The following PEX5L variants were observed in gnomAD, a reference collection of about 807,000 sequenced individuals.
The protein encoded by PEX5L is PEX5-related protein.
PEX5L carries 30 observed loss-of-function variants against 84.0 expected under a neutral mutation model. That is an observed-to-expected ratio of 0.36 (90% CI 0.27 to 0.48). The LOEUF (loss-of-function observed/expected upper bound fraction) is 0.48, where lower values mean the gene tolerates loss of function less well. Ranked by LOEUF, PEX5L falls within the 20% of genes least tolerant of loss-of-function variation. PEX5L has a pLI of 0.99. For synonymous variants in PEX5L, 270 were observed against 283.1 expected (o/e 0.95, Z 0.46); for missense variants, 533 against 754.6 (o/e 0.71, Z 3.44).
chr3:179,831,999 A>G (rs1733165220), intron 8 of PEX5L, among the ~76,000 whole-genome samples: 1 of 152,172 alleles, frequency 6.6e-6, no homozygotes, highest in Non-Finnish European at 1.5e-5. Flanking sequence ...GTGTTTTAGA[A>G]AGATTACTCT....
At chr3:179,930,722 T>C (rs1351693263) in intron 2 of PEX5L, among the ~76,000 whole-genome samples, 6 of 152,188 alleles carry the variant, frequency 3.9e-5, no homozygotes, top group Non-Finnish European at 7.3e-5. Context: ...AGTGGATAAT[T>C]TTACTCTAAA....
At chr3:179,948,936 C>A (rs1463725524) in intron 2 of PEX5L, among the ~76,000 whole-genome samples, 2 of 152,170 alleles carry the variant, frequency 1.3e-5, no homozygotes, top group Admixed American at 6.5e-5. Flanking sequence ...TATCTACATT[C>A]GTGCAAAGAG....
At chr3:179,930,942 T>A (rs1404040341) in intron 2 of PEX5L, among the ~76,000 whole-genome samples, 1 of 152,104 alleles carries the variant, frequency 6.6e-6, no homozygotes, top group Non-Finnish European at 1.5e-5. Context: ...GGATATTGAG[T>A]TCCTTGAGGA....
At chr3:180,005,368 C>G (rs1483850392) in intron 1 of PEX5L, among the ~76,000 whole-genome samples, 1 of 152,154 alleles carries the variant, frequency 6.6e-6, no homozygotes, top group Admixed American at 6.5e-5. Context: ...TCAAGGGATC[C>G]TCCCACCTCA....
At chr3:179,937,847 T>C (rs1775024502) in intron 2 of PEX5L, among the ~76,000 whole-genome samples, 1 of 152,298 alleles carries the variant, frequency 6.6e-6, no homozygotes, top group Non-Finnish European at 1.5e-5. Context: ...GTTTCTCCTG[T>C]GTGAAATGAT....
chr3:179,973,089 A>G, intron 1 of PEX5L: 1 of 895,674 alleles, frequency 1.1e-6, no homozygotes, highest in South Asian at 2.2e-5. Flanking sequence ...TTGCCATAAG[A>G]TTTTGTCTAG....
chr3:180,022,966 CA>C (rs1167184535), intron 1 of PEX5L, among the ~76,000 whole-genome samples: 34 of 152,180 alleles, frequency 2.2e-4, no homozygotes, highest in African/African-American at 8.2e-4. Context: ...AAGAATGCAT[CA>C]GTGATTTCTA....
intron 9 of PEX5L, among the ~76,000 whole-genome samples, chr3:179,817,069 G>C (rs1726407579): frequency 6.6e-6 from 1 of 152,300 alleles, no homozygotes; most frequent in Admixed American, 6.5e-5. Flanking sequence ...CTGTATATCT[G>C]TTTACCTACT....
At chr3:179,857,024 T>G (rs184043866) in intron 8 of PEX5L, among the ~76,000 whole-genome samples, 9 of 152,290 alleles carry the variant, frequency 5.9e-5, no homozygotes, top group African/African-American at 9.6e-5. Context: ...AGAACCTAGA[T>G]CAGCAGCCAG....
chr3:179,805,220 A>T (rs1375289097), intron 14 of PEX5L, among the ~76,000 whole-genome samples: 1 of 147,278 alleles, frequency 6.8e-6, no homozygotes, highest in African/African-American at 2.5e-5. Flanking sequence ...CCCACCTGGC[A>T]TGACAATAAA....
chr3:179,813,276 T>C (rs1724598515), intron 10 of PEX5L, among the ~76,000 whole-genome samples: 1 of 152,174 alleles, frequency 6.6e-6, no homozygotes, highest in African/African-American at 2.4e-5. Flanking sequence ...TTGTCTGGAA[T>C]TTGTTAGTTA....
At chr3:179,991,583 A>G (rs1326351099) in intron 1 of PEX5L, among the ~76,000 whole-genome samples, 1 of 152,084 alleles carries the variant, frequency 6.6e-6, no homozygotes, top group Non-Finnish European at 1.5e-5. Flanking sequence ...AGGAGAAAGC[A>G]TTGTCTGGCA....
At chr3:179,913,026 T>C (rs1284780231) in intron 2 of PEX5L, among the ~76,000 whole-genome samples, 1 of 152,126 alleles carries the variant, frequency 6.6e-6, no homozygotes, top group Non-Finnish European at 1.5e-5. Flanking sequence ...GAATGAAGTA[T>C]TCACACATGT....
At chr3:179,986,448 G>T (rs1786834228) in intron 1 of PEX5L, among the ~76,000 whole-genome samples, 1 of 144,254 alleles carries the variant, frequency 6.9e-6, no homozygotes, top group Non-Finnish European at 1.5e-5. Flanking sequence ...TGTCACCCAG[G>T]CTGGAGTGCA....
rs1751932477 is a variant in PEX5L, at chr3:179,875,204, T to C, written c.629+150A>G. On this transcript the variant is annotated intron_variant, in intron 6 of 14. Coordinates refer to ENST00000467460, the MANE Select transcript of PEX5L (RefSeq NM_016559.3). ...TTTTGACAGTTGAAATGAAATAATT[T>C]GAGTTGGTAGAAGCCACAATAATTG... 1.5e-5 allele frequency: 10 copies of C among 668,086 alleles called. No homozygotes were observed. The South Asian group carries it at 1.9e-4, about 13-fold the overall frequency. The allele number at this position is 668,086 out of a possible 1,614,324, so 41.4% of individuals were successfully genotyped here.
chr3:180,028,264 G>A (rs1227710757), intron 1 of PEX5L, among the ~76,000 whole-genome samples: 1 of 152,100 alleles, frequency 6.6e-6, no homozygotes, highest in Non-Finnish European at 1.5e-5. Flanking sequence ...CAAATGGCCA[G>A]TCTAGTCAGT....
intron 2 of PEX5L, among the ~76,000 whole-genome samples, chr3:179,929,915 C>T (rs546611830): frequency 9.2e-5 from 14 of 152,322 alleles, no homozygotes; most frequent in Non-Finnish European, 1.8e-4. Context: ...GCTAAAACCA[C>T]GGGCTTCCAC....
intron 8 of PEX5L, chr3:179,820,377 G>A (rs1484607271): frequency 1.7e-5 from 3 of 177,896 alleles, no homozygotes; most frequent in Non-Finnish European, 2.4e-5. Context: ...TGGGAGGACA[G>A]CCAGGTATGG....
In PEX5L at chr3:179,811,869, T is replaced by C. The variant is rs371166735; in HGVS notation, c.1086A>G (p.Ala362=). Residue 362 remains alanine, a splice_region_variant and synonymous_variant, in exon 11 of 15, where the codon GCA becomes GCG. Coordinates refer to ENST00000467460, the MANE Select transcript of PEX5L (RefSeq NM_016559.3). ...AILQDPGDAE[A]WQFLGITQAE... ...CCTGGGTTATCCCGAGGAACTGCCATGCCTACGAAAGACAACTGATGTTAA... is the reference window on the plus strand; with the variant it reads ...CCTGGGTTATCCCGAGGAACTGCCACGCCTACGAAAGACAACTGATGTTAA... 6.8e-6 allele frequency: 11 copies of C among 1,612,564 alleles called. No homozygotes were observed. In the African/African-American group the frequency reaches 9.3e-5, roughly 14 times the overall value.
Sources: gnomAD v4.1 joint callset for allele counts (sites outside exome capture counted in the v4.1 genomes callset) on GRCh38, gnomAD v4.1.1 for gene constraint, MANE v1.5 for transcripts, NCBI Gene and HGNC (gene_info 2026-07-23, HGNC 2026-07-21) for gene names.